The following RPS6KA6 variants were observed in gnomAD, a reference collection of about 807,000 sequenced individuals.
RPS6KA6 encodes ribosomal protein S6 kinase alpha-6.
In RPS6KA6, 27 loss-of-function variants were observed where a neutral mutation model predicts 65.4. That is an observed-to-expected ratio of 0.41 (90% CI 0.30 to 0.57). The LOEUF (loss-of-function observed/expected upper bound fraction) is 0.57. RPS6KA6 is among the 20% of genes least tolerant of loss of function. RPS6KA6 has a pLI of 0.24. For missense variants in RPS6KA6, 486 were observed against 555.6 expected, an observed-to-expected ratio of 0.87 and a Z score of 1.26; for synonymous variants, 190 against 184.2, an observed-to-expected ratio of 1.03 and a Z score of -0.26.
chrX:84,096,617 A>G (rs2034162431), intron 19 of RPS6KA6, among the ~76,000 whole-genome samples: 1 of 111,769 alleles, frequency 8.9e-6, no homozygotes, highest in Non-Finnish European at 1.9e-5. Flanking sequence ...AGACAACACT[A>G]AAACACACAT....
chrX:84,089,808 T>C (rs769199923), intron 20 of RPS6KA6, among the ~76,000 whole-genome samples: 52 of 111,856 alleles, frequency 4.6e-4, no homozygotes, highest in Non-Finnish European at 3.9e-4. Flanking sequence ...TACACGAAAC[T>C]GTATATTTCA....
intron 1 of RPS6KA6, among the ~76,000 whole-genome samples, chrX:84,172,170 G>A (rs1488264143): frequency 1.8e-5 from 2 of 111,791 alleles, no homozygotes. Context: ...TTTATATATA[G>A]TGCTGCAATA....
chrX:84,117,296 T>C (rs1428351958), intron 10 of RPS6KA6, 88 bp downstream of exon 10: 3 of 683,622 alleles, frequency 4.4e-6, no homozygotes, highest in African/African-American at 2.2e-5. Context: ...AAAGGTACTC[T>C]TGTATTATTT....
chrX:84,156,031 A>C lies in RPS6KA6; in HGVS notation c.258+44T>G, dbSNP rs756140539. Reference sequence around the variant, plus strand: ...ACGTATGTGTTCACTTTTTTTGCTAAATGTTTAGAAGAGGAACAAATGGGG... The same window carrying C: ...ACGTATGTGTTCACTTTTTTTGCTACATGTTTAGAAGAGGAACAAATGGGG... On this transcript the variant is annotated intron_variant, in intron 3 of 21. Transcript: ENST00000262752. 15 of 756,048 alleles carry C rather than the reference A, an allele frequency of 2.0e-5. No individual in the cohort carries two copies. The Admixed American group carries it at 3.7e-4, about 19-fold the overall frequency. The allele number at this position is 756,048 out of a possible 1,213,427, so 62.3% of individuals were successfully genotyped here.
chrX:84,131,494 C>G (rs1174960665), intron 8 of RPS6KA6, among the ~76,000 whole-genome samples: 3 of 112,000 alleles, frequency 2.7e-5, no homozygotes, highest in African/African-American at 9.7e-5. Context: ...ATCTAGTCTT[C>G]GAGGTCAGTT....
rs753555365 is a variant in RPS6KA6 at position 84,067,635 on chromosome X, C to T, written c.1972-2524G>A. 1.6e-3 allele frequency among the ~76,000 whole-genome samples: 184 copies of T among 111,869 alleles called. 1 individual carries two copies. Among genetic ancestry groups the T allele is most frequent in the South Asian group, 0.012 (31 of 2,663 alleles). On this transcript the variant is annotated intron_variant, in intron 20 of 21. Coordinates refer to ENST00000262752, the MANE Select transcript of RPS6KA6 (RefSeq NM_014496.5). ...TGTGGGTCTATGTGAATCAAATCTA[C>T]GATTGACTGATGTACCTGAAAGTGA... is the stretch of plus-strand genomic sequence containing the variant.
intron 15 of RPS6KA6, among the ~76,000 whole-genome samples, 179 bp from the exon 16 acceptor site, chrX:84,106,055 T>G (rs2034354426): frequency 9.0e-6 from 1 of 111,402 alleles, no homozygotes; most frequent in Non-Finnish European, 1.9e-5. Context: ...AAAATAAAAT[T>G]TTAACATTAT....
intron 3 of RPS6KA6, among the ~76,000 whole-genome samples, chrX:84,151,758 T>C (rs947700077): frequency 1.7e-4 from 19 of 112,112 alleles, no homozygotes; most frequent in African/African-American, 6.1e-4. Context: ...GTAATAATTG[T>C]TAATGTCTCA....
intron 3 of RPS6KA6, among the ~76,000 whole-genome samples, chrX:84,149,363 C>G (rs1456640100): frequency 2.7e-5 from 3 of 112,111 alleles, no homozygotes; most frequent in Non-Finnish European, 5.6e-5. Context: ...TTAATGACAT[C>G]TAGAATAGCA....
chrX:84,114,571 C>T (rs1194386542), intron 12 of RPS6KA6, among the ~76,000 whole-genome samples: 1 of 111,296 alleles, frequency 9.0e-6, no homozygotes, highest in Non-Finnish European at 1.9e-5. Context: ...TCCTATCAAA[C>T]TATGAATGCC....
At chrX:84,155,750 G>T (rs1366755581) in intron 3 of RPS6KA6, among the ~76,000 whole-genome samples, 1 of 112,247 alleles carries the variant, frequency 8.9e-6, no homozygotes, top group Non-Finnish European at 1.9e-5. Flanking sequence ...ATTCATGCCA[G>T]CATGGGAACA....
intron 1 of RPS6KA6, among the ~76,000 whole-genome samples, chrX:84,179,860 GTAA>G (rs1240919626): frequency 5.4e-5 from 6 of 112,017 alleles, no homozygotes; most frequent in African/African-American, 1.6e-4. Context: ...AGTTTGAAAT[GTAA>G]TTGTTTCCAA....
At chrX:84,107,598 G>A (rs1273218181) in intron 13 of RPS6KA6, 25 bp downstream of exon 13, 2 of 940,010 alleles carry the variant, frequency 2.1e-6, no homozygotes, top group East Asian at 6.3e-5. Context: ...TAAAATCTCT[G>A]ATTTTACAGA....
intron 6 of RPS6KA6, among the ~76,000 whole-genome samples, chrX:84,140,409 C>T (rs971670365): frequency 9.0e-6 from 1 of 110,793 alleles, no homozygotes; most frequent in Admixed American, 9.7e-5. Flanking sequence ...CCTTAACAAG[C>T]TAAATGTCAC....
At chrX:84,160,711 T>C (rs1396117234) in intron 2 of RPS6KA6, among the ~76,000 whole-genome samples, 1 of 111,156 alleles carries the variant, frequency 9.0e-6, no homozygotes, top group African/African-American at 3.3e-5. Context: ...TGCTGAAACA[T>C]ATATGCAAAG....
intron 20 of RPS6KA6, among the ~76,000 whole-genome samples, chrX:84,066,422 C>T (rs747615841): frequency 3.0e-5 from 3 of 98,812 alleles, no homozygotes; most frequent in Non-Finnish European, 6.1e-5. Context: ...AACTTGGTGG[C>T]GGCGGGGGCG....
chrX:84,105,881 G>C lies in RPS6KA6; in HGVS notation c.1366-5C>G, dbSNP rs765287024. On this transcript the variant is annotated splice_region_variant and splice_polypyrimidine_tract_variant and intron_variant, in intron 15 of 21. Coordinates refer to ENST00000262752, the MANE Select transcript of RPS6KA6 (RefSeq NM_014496.5). Reference sequence around the variant, plus strand: ...TCGCTTACTTTTGTCAATGATCTAAGAAATACGAAAAAAGAAAAATATCTG... The same window carrying C: ...TCGCTTACTTTTGTCAATGATCTAACAAATACGAAAAAAGAAAAATATCTG... The C allele has an allele frequency of 5.7e-6, 6 of 1,052,658 alleles. No individual in the cohort carries two copies. The highest frequency in any genetic ancestry group is 5.0e-5 in the Admixed American group (2 of 39,665). The allele number at this position is 1,052,658 out of a possible 1,213,427, so 86.8% of individuals were successfully genotyped here. A position where few individuals can be genotyped will look rare whatever the true frequency, so the allele number is the denominator to read the frequency against.
intron 20 of RPS6KA6, among the ~76,000 whole-genome samples, chrX:84,093,180 A>G (rs1328331683): frequency 1.8e-5 from 2 of 111,651 alleles, no homozygotes; most frequent in Non-Finnish European, 3.8e-5. Context: ...GAGGATGGGG[A>G]GTGGTGGGTG....
chrX:84,107,924 A>C (rs973974981), intron 12 of RPS6KA6, among the ~76,000 whole-genome samples, 199 bp from the exon 13 acceptor site: 6 of 112,319 alleles, frequency 5.3e-5, no homozygotes, highest in African/African-American at 1.9e-4. Context: ...CATAGCAATG[A>C]TGCCACAAGC....
Sources: gnomAD v4.1 joint callset for allele counts (sites outside exome capture counted in the v4.1 genomes callset) on GRCh38, gnomAD v4.1.1 for gene constraint, MANE v1.5 for transcripts, NCBI Gene and HGNC (gene_info 2026-07-23, HGNC 2026-07-21) for gene names.